FBXW11: variants seen among roughly 807,000 people sequenced by gnomAD.
The protein encoded by FBXW11 is F-box and WD repeat domain containing 11.
FBXW11 carries 19 observed loss-of-function variants against 77.6 expected under a neutral mutation model. The ratio of observed to expected loss-of-function variants is 0.24; its 90% confidence interval spans 0.17 to 0.36. FBXW11 has a LOEUF of 0.36. FBXW11 is among the 10% of genes least tolerant of loss of function. The pLI is 1.00. For missense variants in FBXW11, 334 were observed against 704.2 expected, an observed-to-expected ratio of 0.47 and a Z score of 5.95; for synonymous variants, 235 against 249.4, an observed-to-expected ratio of 0.94 and a Z score of 0.54.
intron 7 of FBXW11, among the ~76,000 whole-genome samples, chr5:171,889,242 C>A (rs1419652139): frequency 1.3e-5 from 2 of 152,108 alleles, no homozygotes; most frequent in East Asian, 3.9e-4. Flanking sequence ...AAATTAAAAT[C>A]TTCTGTCAAG....
At chr5:172,003,697 G>T (rs7727568) in intron 1 of FBXW11, among the ~76,000 whole-genome samples, 4 of 152,070 alleles carry the variant, frequency 2.6e-5, no homozygotes, top group Non-Finnish European at 4.4e-5. Flanking sequence ...CTCAGGCAGC[G>T]GTAGGAGTCA....
intron 13 of FBXW11, among the ~76,000 whole-genome samples, chr5:171,864,915 G>A (rs546150446): frequency 6.7e-6 from 1 of 150,144 alleles, no homozygotes; most frequent in Admixed American, 6.6e-5. Flanking sequence ...GTCACAATAA[G>A]TGATGCACTA....
chr5:171,929,890 T>C (rs1335856453), intron 2 of FBXW11, among the ~76,000 whole-genome samples: 1 of 151,796 alleles, frequency 6.6e-6, no homozygotes, highest in Non-Finnish European at 1.5e-5. Context: ...AAAATAAAAG[T>C]GATGGGATAT....
chr5:171,915,837 C>A (rs1761196832), intron 2 of FBXW11, among the ~76,000 whole-genome samples: 1 of 151,986 alleles, frequency 6.6e-6, no homozygotes, highest in Admixed American at 6.6e-5. Flanking sequence ...TTGGAACCAA[C>A]CCAAATGTCC....
At chr5:171,909,890 T>C (rs925744221) in intron 4 of FBXW11, among the ~76,000 whole-genome samples, 6 of 152,116 alleles carry the variant, frequency 3.9e-5, no homozygotes, top group Non-Finnish European at 8.8e-5. Flanking sequence ...CCCTAAACTT[T>C]TGGGACACTT....
intron 2 of FBXW11, among the ~76,000 whole-genome samples, chr5:171,941,664 A>G (rs1394065206): frequency 6.6e-6 from 1 of 151,818 alleles, no homozygotes; most frequent in African/African-American, 2.4e-5. Context: ...GAGAAACAAA[A>G]GGTTCTGTGT....
chr5:171,977,785 T>G (rs573974588), intron 1 of FBXW11: 1 of 326,774 alleles, frequency 3.1e-6, no homozygotes, highest in South Asian at 2.3e-5. Context: ...GTGAGACTTA[T>G]TCACTATCAC....
At chr5:171,899,793 A>AT (rs1290511882) in intron 5 of FBXW11, 121 bp downstream of exon 5, 1 of 885,066 alleles carries the variant, frequency 1.1e-6, no homozygotes, top group Non-Finnish European at 1.7e-6. Context: ...TTGACCACTC[A>AT]TTTTCCCCCC....
At chr5:171,913,634 A>G (rs1311680621) in intron 3 of FBXW11, among the ~76,000 whole-genome samples, 1 of 152,028 alleles carries the variant, frequency 6.6e-6, no homozygotes, top group African/African-American at 2.4e-5. Flanking sequence ...TAACTAATCT[A>G]TCTTTTCAGT....
chr5:171,978,113 TGA>T (rs1764937299), intron 1 of FBXW11, among the ~76,000 whole-genome samples: 1 of 151,638 alleles, frequency 6.6e-6, no homozygotes, highest in Non-Finnish European at 1.5e-5. Flanking sequence ...TCCCTAATAA[TGA>T]GAACAAATTA....
At chr5:171,898,347 T>C (rs1308986035) in intron 6 of FBXW11, among the ~76,000 whole-genome samples, 1 of 152,170 alleles carries the variant, frequency 6.6e-6, no homozygotes, top group African/African-American at 2.4e-5. Context: ...CAAGAACACA[T>C]GTGAAAGAGT....
At position 171,900,111 on chromosome 5, in the gene FBXW11, G is replaced by A; in HGVS notation, c.437-11C>T. 2 of 1,582,546 alleles carry A rather than the reference G, an allele frequency of 1.3e-6. No individual in the cohort carries two copies. Among genetic ancestry groups the A allele is most frequent in the East Asian group, 2.3e-5 (1 of 43,616 alleles). On this transcript the variant is annotated splice_polypyrimidine_tract_variant and intron_variant, in intron 4 of 13. Coordinates refer to ENST00000517395, the MANE Select transcript of FBXW11 (RefSeq NM_001378974.1). ...GATCTAAGCCTTGCTCTACAAAACA[G>A]AAAAGGGAATGAAGGAACGGGAAGA...
chr5:171,906,951 G>C (rs1368458570), intron 4 of FBXW11, among the ~76,000 whole-genome samples: 4 of 152,192 alleles, frequency 2.6e-5, no homozygotes, highest in African/African-American at 9.7e-5. Context: ...ACCAGGGCCA[G>C]ACAGCCAAGT....
intron 4 of FBXW11, among the ~76,000 whole-genome samples, chr5:171,903,658 T>C (rs1760284782): frequency 6.6e-6 from 1 of 152,126 alleles, no homozygotes; most frequent in South Asian, 2.1e-4. Flanking sequence ...TATTAGAACA[T>C]AGCTAATTAC....
intron 1 of FBXW11, among the ~76,000 whole-genome samples, chr5:171,971,644 T>G (rs1285233011): frequency 2.0e-5 from 3 of 151,892 alleles, no homozygotes; most frequent in Non-Finnish European, 2.9e-5. Context: ...AAAAAAAAAT[T>G]TATTACATTT....
chr5:171,915,964 T>C (rs1454282982), intron 2 of FBXW11, among the ~76,000 whole-genome samples: 1 of 151,792 alleles, frequency 6.6e-6, no homozygotes, highest in Non-Finnish European at 1.5e-5. Flanking sequence ...CTGGAAACCA[T>C]CATTCTCAGC....
chr5:171,915,613 C>CTGTGTGTGTGTGTGTGTG (rs200618306), intron 2 of FBXW11, among the ~76,000 whole-genome samples: 5,092 of 129,498 alleles, frequency 0.039, 175 homozygotes, highest in East Asian at 0.081. Context: ...GTCACTCATT[C>CTGTGTGTGTGTGTGTGTG]TGTGTGTGTG....
chr5:171,922,683 T>C (rs769841754), intron 2 of FBXW11, among the ~76,000 whole-genome samples: 5 of 152,224 alleles, frequency 3.3e-5, no homozygotes, highest in South Asian at 4.1e-4. Context: ...AAACCACTAA[T>C]AAATTTTAAA....
At chr5:171,879,949 C>A (rs1270261815) in intron 7 of FBXW11, among the ~76,000 whole-genome samples, 1 of 152,130 alleles carries the variant, frequency 6.6e-6, no homozygotes, top group African/African-American at 2.4e-5. Context: ...AAGTCCAGCT[C>A]ATTAATTCTT....
Sources: allele counts gnomAD v4.1 joint callset (sites outside exome capture counted in the v4.1 genomes callset), GRCh38; gene constraint gnomAD v4.1.1; transcripts MANE v1.5; gene names NCBI Gene and HGNC (gene_info 2026-07-23, HGNC 2026-07-21).